UBE2G1: variants seen among roughly 807,000 people sequenced by gnomAD.
UBE2G1 encodes ubiquitin conjugating enzyme E2 G1, also known as ubiquitin-conjugating enzyme E2 G1.
UBE2G1 carries 5 observed loss-of-function variants against 22.7 expected under a neutral mutation model. The ratio of observed to expected loss-of-function variants is 0.22; its 90% CI spans 0.12 to 0.46. UBE2G1 has a LOEUF of 0.46. Ranked by LOEUF, UBE2G1 falls within the 20% of genes least tolerant of loss-of-function variation. The pLI is 0.99. For missense variants in UBE2G1, 88 were observed against 203.9 expected, an observed-to-expected ratio of 0.43 and a Z score of 3.46; for synonymous variants, 74 against 67.5, an observed-to-expected ratio of 1.10 and a Z score of -0.47.
At chr17:4,309,411 A>G (rs1969282845) in intron 1 of UBE2G1, among the ~76,000 whole-genome samples, 2 of 152,270 alleles carry the variant, frequency 1.3e-5, no homozygotes, top group African/African-American at 4.8e-5. Context: ...AAACACAAGA[A>G]ATGTACTTTT....
chr17:4,323,052 G>A (rs1969461203), intron 1 of UBE2G1, among the ~76,000 whole-genome samples: 1 of 152,210 alleles, frequency 6.6e-6, no homozygotes. Flanking sequence ...ATTAGCTTCT[G>A]CTGATAGCGA....
In UBE2G1 at chr17:4,270,868, C is replaced by T. The variant is rs1968749500; in HGVS notation, c.*1686G>A. ...CATTTTATTTCTGCTTAAAAAAGGA[C>T]ATACAACGTTTGTAGAGGTCTGGGC... is the stretch of plus-strand genomic sequence containing the variant. On this transcript the variant is annotated 3_prime_UTR_variant, in exon 6 of 6. Coordinates refer to ENST00000396981, the MANE Select transcript of UBE2G1 (RefSeq NM_003342.5). The T allele has an allele frequency of 6.6e-6, 1 of 152,178 alleles. No homozygotes were observed. Among genetic ancestry groups the T allele is most frequent in the Non-Finnish European group, 1.5e-5 (1 of 68,034 alleles). The allele number at this position is 152,178 out of a possible 1,614,324, so 9.4% of individuals were successfully genotyped here.
intron 3 of UBE2G1, among the ~76,000 whole-genome samples, chr17:4,292,041 C>G (rs945212194): frequency 2.0e-5 from 3 of 152,064 alleles, no homozygotes; most frequent in South Asian, 4.1e-4. Context: ...CTGGGCCGGG[C>G]ACAGTGGCTC....
intron 2 of UBE2G1, chr17:4,302,743 C>A: frequency 5.0e-6 from 1 of 199,550 alleles, no homozygotes; most frequent in Non-Finnish European, 1.1e-5. Context: ...TTGCACATCA[C>A]TGGTTTGAAA....
intron 1 of UBE2G1, among the ~76,000 whole-genome samples, chr17:4,355,205 T>TTGGA (rs1969892075): frequency 6.6e-6 from 1 of 151,752 alleles, no homozygotes; most frequent in South Asian, 2.1e-4. Flanking sequence ...TTTCACCATG[T>TTGGA]TGGCCATGGC....
At chr17:4,337,319 T>TA (rs71383549) in intron 1 of UBE2G1, among the ~76,000 whole-genome samples, 2,538 of 69,292 alleles carry the variant, frequency 0.037, 79 homozygotes, top group African/African-American at 0.14. Context: ...CTAATCTGTG[T>TA]AAAAAAAAAA....
intron 1 of UBE2G1, among the ~76,000 whole-genome samples, chr17:4,311,373 T>TA (rs1314253981): frequency 5.3e-5 from 8 of 152,254 alleles, no homozygotes; most frequent in Non-Finnish European, 1.2e-4. Context: ...ATGTCTGTAG[T>TA]AGCATTTGCT....
At chr17:4,360,045 A>T (rs777177729) in intron 1 of UBE2G1, among the ~76,000 whole-genome samples, 30 of 152,124 alleles carry the variant, frequency 2.0e-4, no homozygotes, top group Non-Finnish European at 1.9e-4. Context: ...AAAATTTGGA[A>T]AATGTTTGCT....
chr17:4,301,362 G>A (rs1311398028), intron 2 of UBE2G1: 1 of 519,752 alleles, frequency 1.9e-6, no homozygotes, highest in Non-Finnish European at 3.6e-6. Context: ...GGAGAAGGAT[G>A]AGAAAGCATG....
At chr17:4,291,552 C>A (rs531350079) in intron 3 of UBE2G1, among the ~76,000 whole-genome samples, 2 of 152,100 alleles carry the variant, frequency 1.3e-5, no homozygotes, top group African/African-American at 4.8e-5. Flanking sequence ...TATATAAGAT[C>A]CATTTTCCTT....
At chr17:4,314,151 G>A (rs953421924) in intron 1 of UBE2G1, among the ~76,000 whole-genome samples, 5 of 152,190 alleles carry the variant, frequency 3.3e-5, no homozygotes, top group Admixed American at 2.0e-4. Context: ...GTAGTGCCCA[G>A]AATATGGTTT....
rs1221371189 is a variant in UBE2G1, at chr17:4,270,183, T to G, written c.*2371A>C. The stretch of plus-strand genomic sequence containing the variant: ...TTTTATCAAACTAACTGCATTAAAG[T>G]GGCACTTAAAGTTCAAAAATAGTTG... On this transcript the variant is annotated 3_prime_UTR_variant, in exon 6 of 6. Transcript: ENST00000396981. The G allele has an allele frequency of 1.3e-5, 2 of 152,460 alleles. No homozygotes were observed. Among genetic ancestry groups the G allele is most frequent in the Non-Finnish European group, 2.9e-5 (2 of 68,002 alleles). The allele number at this position is 152,460 out of a possible 1,614,324, so 9.4% of individuals were successfully genotyped here. A position where few individuals can be genotyped will look rare whatever the true frequency, so the allele number is the denominator to read the frequency against.
chr17:4,311,614 C>T (rs1969310555), intron 1 of UBE2G1, among the ~76,000 whole-genome samples: 1 of 151,934 alleles, frequency 6.6e-6, no homozygotes, highest in Non-Finnish European at 1.5e-5. Flanking sequence ...GTAGATTAGA[C>T]AATGAGGGAA....
At chr17:4,279,785 T>TTTTATA (rs1334257201) in intron 5 of UBE2G1, among the ~76,000 whole-genome samples, 20 of 68,848 alleles carry the variant, frequency 2.9e-4, no homozygotes, top group African/African-American at 8.7e-4. Flanking sequence ...CAAAAAAAAG[T>TTTTATA]TATATATATA....
chr17:4,356,454 T>C (rs567304520), intron 1 of UBE2G1, among the ~76,000 whole-genome samples: 1 of 152,380 alleles, frequency 6.6e-6, no homozygotes, highest in East Asian at 1.9e-4. Flanking sequence ...CAATTACCTT[T>C]GCGTTCCCGC....
intron 5 of UBE2G1, among the ~76,000 whole-genome samples, chr17:4,277,992 G>A (rs546402979): frequency 3.3e-5 from 5 of 151,838 alleles, no homozygotes; most frequent in East Asian, 1.9e-4. Flanking sequence ...CTCTGCCTCC[G>A]GGATTCAAGT....
At position 4,283,588 on chromosome 17, in the gene UBE2G1, A is replaced by G. The variant is rs188067820; in HGVS notation, c.427-667T>C. 5.3e-5 allele frequency among the ~76,000 whole-genome samples: 8 copies of G among 152,320 alleles called. No homozygotes were observed. In the South Asian group the frequency reaches 1.4e-3, roughly 28 times the overall value. ...AAATAAACATAAAAGTGTCTGCAAC[A>G]TAAGGTAGATAGGTGGGATGCATCA... On this transcript the variant is annotated intron_variant, in intron 4 of 5. Coordinates refer to ENST00000396981, the MANE Select transcript of UBE2G1 (RefSeq NM_003342.5).
At chr17:4,339,585 G>A (rs1434875045) in intron 1 of UBE2G1, among the ~76,000 whole-genome samples, 2 of 151,990 alleles carry the variant, frequency 1.3e-5, no homozygotes, top group Non-Finnish European at 2.9e-5. Context: ...GATTACAGGC[G>A]TGAGCCACCG....
intron 5 of UBE2G1, among the ~76,000 whole-genome samples, chr17:4,276,319 C>T (rs138420819): frequency 3.3e-5 from 5 of 152,134 alleles, no homozygotes; most frequent in African/African-American, 9.6e-5. Flanking sequence ...GGATTACAGT[C>T]GCACACCACC....
Sources: gnomAD v4.1 joint callset for allele counts (sites outside exome capture counted in the v4.1 genomes callset) on GRCh38, gnomAD v4.1.1 for gene constraint, MANE v1.5 for transcripts, NCBI Gene and HGNC (gene_info 2026-07-23, HGNC 2026-07-21) for gene names.